Variants in C8orf33 observed in about 807,000 individuals in gnomAD.
C8orf33 encodes the protein UPF0488 protein C8orf33.
In C8orf33, 28 loss-of-function variants were observed where a neutral mutation model predicts 25.7. The observed-to-expected ratio is 1.09, with a 90% CI of 0.81 to 1.49. C8orf33 has a LOEUF of 1.49. Among genes scored for constraint, C8orf33 ranks in the 40% most tolerant of loss-of-function variants. The pLI, the probability that C8orf33 is intolerant of heterozygous loss-of-function variation, is 0.00. For synonymous variants in C8orf33, 153 were observed against 115.9 expected (o/e 1.32, Z -2.06); for missense variants, 369 against 294.4 (o/e 1.25, Z -1.85).
Position 145,052,745 on chromosome 8 carries a change from A to G in C8orf33, c.166A>G (p.Arg56Gly), listed in dbSNP as rs749205720. 2 of 1,614,076 alleles carry G rather than the reference A, an allele frequency of 1.2e-6. No individual in the cohort carries two copies. The highest frequency in any genetic ancestry group is 1.7e-5 in the Admixed American group (1 of 60,016). The change falls in exon 2 of 5, where the codon AGA becomes GGA. Residue 56 changes from arginine to glycine, a missense_variant. Transcript: ENST00000331434. ...EQPTCSNADS[R>G]AHPLGDEGGT... ...ACCTACGTGCAGTAACGCTGACTCCAGAGCGCACCCGTTGGGCGATGAAGG... is the reference window on the plus strand; with the variant it reads ...ACCTACGTGCAGTAACGCTGACTCCGGAGCGCACCCGTTGGGCGATGAAGG...
rs1835290343 is a variant in C8orf33 at position 145,052,603 on chromosome 8, T to A, written c.24T>A (p.Ala8=). The change falls in exon 2 of 5, where the codon GCT becomes GCA. Residue 8 remains alanine (A), a synonymous_variant. Transcript: ENST00000331434. ...TTCTCCAGGCCCTGGGACATCTTGC[T>A]GGGGAGGCAGCGGCGGCCCCAGGCC... The part of the protein sequence containing the change: MAALGHL[A]GEAAAAPGPG... 5 of 1,607,718 alleles carry A rather than the reference T, an allele frequency of 3.1e-6. No individual in the cohort carries two copies. Among genetic ancestry groups the A allele is most frequent in the Non-Finnish European group, 4.2e-6 (5 of 1,179,626 alleles).
At chr8:145,053,619 C>A in intron 4 of C8orf33, 176 bp downstream of exon 4, 1 of 672,416 alleles carries the variant, frequency 1.5e-6, no homozygotes, top group Middle Eastern at 4.1e-4. Context: ...CTTCCTAGGA[C>A]TGAACCTGGG....
chr8:145,052,927 G>T, intron 2 of C8orf33, 30 bp downstream of exon 2: 1 of 1,529,526 alleles, frequency 6.5e-7, no homozygotes, highest in Non-Finnish European at 8.7e-7. Flanking sequence ...GGGAAGGGTG[G>T]AATCCACGGG....
At position 145,054,947 on chromosome 8, in the gene C8orf33, T is replaced by A. The variant is rs1343720452; in HGVS notation, c.*790T>A. ...CCTAATCCTCATTGGTGGCTTGATG[T>A]TTGCTGGTATCTTCCAAACTCAGTT... On this transcript the variant is annotated 3_prime_UTR_variant, in exon 5 of 5. Coordinates refer to ENST00000331434, the MANE Select transcript of C8orf33 (RefSeq NM_023080.3). 1 of 152,222 alleles carries A rather than the reference T, an allele frequency of 6.6e-6. No homozygotes were observed. Among genetic ancestry groups the A allele is most frequent in the Non-Finnish European group, 1.5e-5 (1 of 68,050 alleles). 9.4% of individuals were successfully genotyped at this position (152,222 alleles called of 1,614,324 possible).
Position 145,052,651 on chromosome 8 carries a change from C to A in C8orf33, c.72C>A (p.Arg24=). Residue 24 remains arginine, a synonymous_variant, in exon 2 of 5, where the codon CGC becomes CGA. Coordinates refer to ENST00000331434, the MANE Select transcript of C8orf33 (RefSeq NM_023080.3). ...APGPGTPCAS[R]GARLPGPVSS... is the part of the protein sequence containing the mutation. ...GCCCGGGTACTCCCTGCGCGTCCCG[C>A]GGAGCCCGGCTTCCCGGCCCAGTTT... 1 of 1,612,880 alleles carries A rather than the reference C, an allele frequency of 6.2e-7. No individual in the cohort carries two copies. The highest frequency in any genetic ancestry group is 1.7e-5 in the Admixed American group (1 of 60,026).
chr8:145,054,187 C>A lies in C8orf33; in HGVS notation c.*30C>A, dbSNP rs1410946586. Reference sequence around the variant, plus strand: ...TCCCCGAACCTGAAACAATCCCCCTCCCTTGGGGTGGTGTAGGGGTTTGTT... The same window carrying A: ...TCCCCGAACCTGAAACAATCCCCCTACCTTGGGGTGGTGTAGGGGTTTGTT... On this transcript the variant is annotated 3_prime_UTR_variant, in exon 5 of 5. Transcript: ENST00000331434. 1 of 1,611,676 alleles carries A rather than the reference C, an allele frequency of 6.2e-7. No individual in the cohort carries two copies. The highest frequency in any genetic ancestry group is 8.5e-7 in the Non-Finnish European group (1 of 1,178,908).
chr8:145,053,301 G>C lies in C8orf33; in HGVS notation c.408G>C (p.Glu136Asp). The change falls in exon 4 of 5, where the codon GAG (glutamate) becomes GAC (aspartate). Residue 136 changes from glutamate (E) to aspartate (D), a missense_variant. Glu to Asp is a conservative substitution (Grantham distance 45). Transcript: ENST00000331434. The stretch of plus-strand genomic sequence containing the variant: ...GTCCTTTATTTTTATTCGCAGAAGA[G>C]CAGGCTATTGGAGCAATCCGAACCC... ...KRQKPTPKQK[E>D]QAIGAIRTLR... 1 of 1,614,020 alleles carries C rather than the reference G, an allele frequency of 6.2e-7. No individual in the cohort carries two copies. Among genetic ancestry groups the C allele is most frequent in the African/African-American group, 1.3e-5 (1 of 74,922 alleles).
rs1434289880 is a variant in C8orf33, at chr8:145,054,575, T to A, written c.*418T>A. On this transcript the variant is annotated 3_prime_UTR_variant, in exon 5 of 5. Coordinates refer to ENST00000331434, the MANE Select transcript of C8orf33 (RefSeq NM_023080.3). ...AATGGTTTAGTGCTTAATGCTGTTA[T>A]GTCATATTGCCCTAATCTCTATTTT... The A allele has an allele frequency of 1.2e-5, 2 of 163,532 alleles. No homozygotes were observed. Among genetic ancestry groups the A allele is most frequent in the African/African-American group, 4.8e-5 (2 of 41,570 alleles). The allele number at this position is 163,532 out of a possible 1,614,324, so 10.1% of individuals were successfully genotyped here. A position where few individuals can be genotyped will look rare whatever the true frequency, so the allele number is the denominator to read the frequency against.
At position 145,053,162 on chromosome 8, in the gene C8orf33, G is replaced by C. The variant is rs200011313; in HGVS notation, c.403+16G>C. The C allele has an allele frequency of 2.5e-6, 4 of 1,614,148 alleles. No homozygotes were observed. In the African/African-American group the frequency reaches 5.3e-5, roughly 22 times the overall value. ...CCGAAACAGAGTAAGGGACCCTTCT[G>C]TAGAGCTGGGGGATGTGAACAGTGG... is the stretch of plus-strand genomic sequence containing the variant. On this transcript the variant is annotated intron_variant, in intron 3 of 4. Transcript: ENST00000331434.
Position 145,053,329 on chromosome 8 carries a change from C to G in C8orf33, c.436C>G (p.Arg146Gly), listed in dbSNP as rs369052825. ...EQAIGAIRTL[R>G]SKRTPLPRKR... The stretch of plus-strand genomic sequence containing the variant: ...GGCTATTGGAGCAATCCGAACCCTG[C>G]GCAGCAAAAGAACGCCCTTGCCCCG... The change falls in exon 4 of 5, where the codon CGC becomes GGC. Residue 146 changes from arginine to glycine, a missense_variant. Physicochemically the swap from Arg to Gly is moderately radical, Grantham distance 125. Coordinates refer to ENST00000331434, the MANE Select transcript of C8orf33 (RefSeq NM_023080.3). 1 of 1,614,192 alleles carries G rather than the reference C, an allele frequency of 6.2e-7. No individual in the cohort carries two copies. Among genetic ancestry groups the G allele is most frequent in the Non-Finnish European group, 8.5e-7 (1 of 1,180,030 alleles).
Position 145,054,037 on chromosome 8 carries a change from G to A in C8orf33, c.570G>A (p.Val190=), listed in dbSNP as rs773824162. The A allele has an allele frequency of 2.5e-6, 4 of 1,614,026 alleles. No homozygotes were observed. In the South Asian group the frequency reaches 4.4e-5, roughly 18 times the overall value. ...CGACAGCTGCTTATTCAGCCCAGGT[G>A]CAACCTGTAGATGGAGCCACCAGAA... The part of the protein sequence containing the change: ...ALRAAAYSAQ[V]QPVDGATRKK... Residue 190 remains valine, a synonymous_variant, in exon 5 of 5, where the codon GTG becomes GTA. Coordinates refer to ENST00000331434, the MANE Select transcript of C8orf33 (RefSeq NM_023080.3).
rs942336701 is a variant in C8orf33, at chr8:145,052,746, G to C, written c.167G>C (p.Arg56Thr). Reference sequence around the variant, plus strand: ...CCTACGTGCAGTAACGCTGACTCCAGAGCGCACCCGTTGGGCGATGAAGGC... The same window carrying C: ...CCTACGTGCAGTAACGCTGACTCCACAGCGCACCCGTTGGGCGATGAAGGC... ...EQPTCSNADS[R>T]AHPLGDEGGT... The change falls in exon 2 of 5, where the codon AGA becomes ACA. Residue 56 changes from arginine to threonine, a missense_variant. Coordinates refer to ENST00000331434, the MANE Select transcript of C8orf33 (RefSeq NM_023080.3). The C allele has an allele frequency of 1.9e-6, 3 of 1,614,202 alleles. No individual in the cohort carries two copies. Among genetic ancestry groups the C allele is most frequent in the Non-Finnish European group, 2.5e-6 (3 of 1,180,032 alleles).
intron 4 of C8orf33, 148 bp downstream of exon 4, chr8:145,053,591 C>T (rs1028314800): frequency 3.9e-6 from 3 of 762,656 alleles, no homozygotes; most frequent in African/African-American, 3.5e-5. Context: ...AAACAGAAAG[C>T]GTGGACCTCT....
chr8:145,053,245 G>T lies in C8orf33; in HGVS notation c.404-52G>T, dbSNP rs1171943168. 1.9e-6 allele frequency: 3 copies of T among 1,612,756 alleles called. No homozygotes were observed. The African/African-American group carries it at 4.0e-5, about 22-fold the overall frequency. Reference sequence around the variant, plus strand: ...GGAGTTGTTGGCTTTGCGGCGGGGTGGTAGGAGGTCAGTAATAGAGGTGTT... The same window carrying T: ...GGAGTTGTTGGCTTTGCGGCGGGGTTGTAGGAGGTCAGTAATAGAGGTGTT... On this transcript the variant is annotated intron_variant, in intron 3 of 4. Coordinates refer to ENST00000331434, the MANE Select transcript of C8orf33 (RefSeq NM_023080.3).
At position 145,054,127 on chromosome 8, in the gene C8orf33, T is replaced by G. The variant is rs772490399; in HGVS notation, c.660T>G (p.Pro220=). Residue 220 remains proline (P), a synonymous_variant, in exon 5 of 5, where the codon CCT becomes CCG. Coordinates refer to ENST00000331434, the MANE Select transcript of C8orf33 (RefSeq NM_023080.3). The part of the protein sequence containing the change: ...IWRAKATLDM[P]DEEFRFNFF ...GAGCCAAAGCCACTCTGGACATGCC[T>G]GATGAAGAGTTTAGGTTCAATTTCT... 1 of 1,614,156 alleles carries G rather than the reference T, an allele frequency of 6.2e-7. No homozygotes were observed. The highest frequency in any genetic ancestry group is 2.2e-5 in the East Asian group (1 of 44,882).
intron 1 of C8orf33, 25 bp downstream of exon 1, chr8:145,052,522 G>C (rs1348458323): frequency 6.2e-7 from 1 of 1,600,156 alleles, no homozygotes; most frequent in Admixed American, 1.7e-5. Context: ...GAAGACGCGC[G>C]GGTGGCTGGG....
rs948062688 is a variant in C8orf33, at chr8:145,053,156, C to T, written c.403+10C>T. On this transcript the variant is annotated intron_variant, in intron 3 of 4. Coordinates refer to ENST00000331434, the MANE Select transcript of C8orf33 (RefSeq NM_023080.3). ...CCCACCCCGAAACAGAGTAAGGGAC[C>T]CTTCTGTAGAGCTGGGGGATGTGAA... The T allele has an allele frequency of 2.5e-6, 4 of 1,614,120 alleles. No individual in the cohort carries two copies. The highest frequency in any genetic ancestry group is 1.7e-6 in the Non-Finnish European group (2 of 1,180,006).
chr8:145,055,866 C>A lies in C8orf33; in HGVS notation c.*1709C>A, dbSNP rs182781528. The A allele has an allele frequency of 6.8e-5, 11 of 161,832 alleles. No homozygotes were observed. The East Asian group carries it at 1.9e-3, about 29-fold the overall frequency. 10.0% of individuals were successfully genotyped at this position (161,832 alleles called of 1,614,324 possible). A position where few individuals can be genotyped will look rare whatever the true frequency, so the allele number is the denominator to read the frequency against. On this transcript the variant is annotated 3_prime_UTR_variant, in exon 5 of 5. Transcript: ENST00000331434. Reference sequence around the variant, plus strand: ...GGAAGGGCCCCCTGTCCAGTGGACACATGACCCATGTGACCTTACCTATTA... The same window carrying A: ...GGAAGGGCCCCCTGTCCAGTGGACAAATGACCCATGTGACCTTACCTATTA...
chr8:145,052,606 G>T lies in C8orf33; in HGVS notation c.27G>T (p.Gly9=). 6.2e-7 allele frequency: 1 copy of T among 1,608,028 alleles called. No individual in the cohort carries two copies. Among genetic ancestry groups the T allele is most frequent in the Non-Finnish European group, 8.5e-7 (1 of 1,179,648 alleles). ...TCCAGGCCCTGGGACATCTTGCTGG[G>T]GAGGCAGCGGCGGCCCCAGGCCCGG... MAALGHLA[G]EAAAAPGPGT... is the part of the protein sequence containing the mutation. Residue 9 remains glycine, a synonymous_variant, in exon 2 of 5, where the codon GGG becomes GGT. Transcript: ENST00000331434.
Sources: allele counts gnomAD v4.1 joint callset, GRCh38; gene constraint gnomAD v4.1.1; transcripts MANE v1.5; gene names NCBI Gene and HGNC (gene_info 2026-07-23, HGNC 2026-07-21).